The following NYAP2 variants were observed in gnomAD, a reference collection of about 807,000 sequenced individuals.
The protein encoded by NYAP2 is neuronal tyrosine-phosphorylated phosphoinositide-3-kinase adaptor 2, also known as neuronal tyrosine-phosphorylated phosphoinositide-3-kinase adapter 2.
NYAP2 carries 23 observed loss-of-function variants against 50.4 expected under a neutral mutation model. That is an observed-to-expected ratio of 0.46 (90% CI 0.33 to 0.65). NYAP2 has a LOEUF of 0.65. NYAP2 is among the 30% of genes least tolerant of loss of function. The pLI is 0.02. For synonymous variants in NYAP2, 394 were observed against 365.2 expected (o/e 1.08, Z -0.90); for missense variants, 885 against 861.0 (o/e 1.03, Z -0.35).
chr2:225,573,121 T>C (rs926834417), intron 4 of NYAP2, among the ~76,000 whole-genome samples: 3 of 152,140 alleles, frequency 2.0e-5, no homozygotes, highest in Non-Finnish European at 4.4e-5. Flanking sequence ...ATGAAAATGA[T>C]ATTATTTTTT....
At chr2:225,659,080 A>G in the NYAP2 span, among the ~76,000 whole-genome samples, 1 of 152,202 alleles carries the variant, frequency 6.6e-6, no homozygotes, top group Non-Finnish European at 1.5e-5. Flanking sequence ...GGAGGGTATA[A>G]TAAGCAAGAA....
intron 3 of NYAP2, among the ~76,000 whole-genome samples, chr2:225,411,273 A>C (rs1043332771): frequency 1.3e-5 from 2 of 152,148 alleles, no homozygotes; most frequent in Non-Finnish European, 2.9e-5. Flanking sequence ...GAGCAAGAGA[A>C]AAGAATTAAT....
chr2:225,406,209 G>T (rs539199502), intron 2 of NYAP2, among the ~76,000 whole-genome samples: 3 of 151,580 alleles, frequency 2.0e-5, no homozygotes, highest in Non-Finnish European at 4.4e-5. Context: ...AGGCCATTCT[G>T]CCAGCCTCCT....
At chr2:225,613,024 A>G (rs1056075285) in intron 5 of NYAP2, among the ~76,000 whole-genome samples, 1 of 152,188 alleles carries the variant, frequency 6.6e-6, no homozygotes, top group African/African-American at 2.4e-5. Context: ...CAGAACTAGT[A>G]GGATATTTGA....
chr2:225,659,725 C>T, the NYAP2 span, among the ~76,000 whole-genome samples: 1 of 152,130 alleles, frequency 6.6e-6, no homozygotes, highest in Non-Finnish European at 1.5e-5. Context: ...GAATATGTTG[C>T]TGAACCTTTC....
chr2:225,433,291 G>C (rs1425773567), intron 3 of NYAP2, among the ~76,000 whole-genome samples: 1 of 151,884 alleles, frequency 6.6e-6, no homozygotes, highest in Middle Eastern at 3.4e-3. Flanking sequence ...GTTCAAAGCT[G>C]CAATATGCCA....
At position 225,582,253 on chromosome 2, in the gene NYAP2, TG is replaced by T; in HGVS notation, c.839del (p.Gly280AlafsTer93). 1 of 1,614,014 alleles carries T rather than the reference TG, an allele frequency of 6.2e-7. No individual in the cohort carries two copies. Among genetic ancestry groups the T allele is most frequent in the Non-Finnish European group, 8.5e-7 (1 of 1,179,896 alleles). Reference sequence around the variant, plus strand: ...ATGAAGTACCCTATCTTTGACGACTTGGGCCAAGACGCCAAATGTGACTTCG... The same window carrying T: ...ATGAAGTACCCTATCTTTGACGACTTGGCCAAGACGCCAAATGTGACTTCG... On this transcript the variant is annotated frameshift_variant, in exon 5 of 7. Coordinates refer to ENST00000636099, the Ensembl canonical transcript of NYAP2. LOFTEE classifies it high-confidence loss of function. The surrounding 1 kb of genome is among the most constrained non-coding windows in gnomAD (Gnocchi z 7.0).
At chr2:225,401,857 G>A (rs924683837) in intron 2 of NYAP2, among the ~76,000 whole-genome samples, 6 of 151,666 alleles carry the variant, frequency 4.0e-5, no homozygotes, top group Middle Eastern at 3.4e-3. Context: ...AAATATAGCC[G>A]AAAAATAATG....
chr2:225,542,259 TTA>T (rs1691487651), intron 4 of NYAP2, among the ~76,000 whole-genome samples: 1 of 152,104 alleles, frequency 6.6e-6, no homozygotes, highest in African/African-American at 2.4e-5. Context: ...TGCCTTTTAT[TTA>T]GTTCTCTTGT....
chr2:225,409,204 G>A (rs1694991243), intron 3 of NYAP2, 103 bp downstream of exon 3: 2 of 830,382 alleles, frequency 2.4e-6, no homozygotes, highest in Admixed American at 2.5e-5. Context: ...GTCTTCCAGA[G>A]TCAGTTAGAC....
chr2:225,575,985 CTAATT>C (rs1171086559), intron 4 of NYAP2, among the ~76,000 whole-genome samples: 2 of 152,186 alleles, frequency 1.3e-5, no homozygotes, highest in Non-Finnish European at 2.9e-5. Context: ...GTTACAAACT[CTAATT>C]TTATTTTACA....
intron 3 of NYAP2, among the ~76,000 whole-genome samples, chr2:225,473,111 A>G (rs2106160252): frequency 6.6e-6 from 1 of 152,324 alleles, no homozygotes; most frequent in African/African-American, 2.4e-5. Flanking sequence ...TTCCAGCTTC[A>G]TCCATGTCCC....
chr2:225,608,011 TTCTC>T (rs1030593480), intron 5 of NYAP2, among the ~76,000 whole-genome samples: 2 of 152,134 alleles, frequency 1.3e-5, no homozygotes, highest in African/African-American at 4.8e-5. Flanking sequence ...TGTCTGGTAT[TTCTC>T]TCACTAAATC....
chr2:225,474,451 G>T (rs919727938), intron 3 of NYAP2, among the ~76,000 whole-genome samples: 4 of 152,180 alleles, frequency 2.6e-5, no homozygotes, highest in Non-Finnish European at 4.4e-5. Flanking sequence ...AGCATGGAAT[G>T]TTCTTCCATT....
intron 5 of NYAP2, among the ~76,000 whole-genome samples, chr2:225,594,854 C>A (rs1692569691): frequency 6.6e-6 from 1 of 152,142 alleles, no homozygotes. Flanking sequence ...CCACTCCTAG[C>A]AGAATAACCA....
At chr2:225,490,841 G>A (rs747456099) in intron 3 of NYAP2, among the ~76,000 whole-genome samples, 39 of 152,212 alleles carry the variant, frequency 2.6e-4, no homozygotes, top group Non-Finnish European at 4.9e-4. Flanking sequence ...GAATGCTGCT[G>A]AGTATTTGTG....
intron 4 of NYAP2, among the ~76,000 whole-genome samples, chr2:225,518,559 T>A (rs1690981073): frequency 7.4e-5 from 3 of 40,288 alleles, no homozygotes; most frequent in African/African-American, 1.5e-4. Flanking sequence ...TATATATATA[T>A]ATATATATAT....
chr2:225,575,302 G>A (rs975749666), intron 4 of NYAP2, among the ~76,000 whole-genome samples: 1 of 152,060 alleles, frequency 6.6e-6, no homozygotes, highest in Non-Finnish European at 1.5e-5. Flanking sequence ...TACCAAAACC[G>A]GTGTACAAGT....
intron 3 of NYAP2, among the ~76,000 whole-genome samples, chr2:225,451,816 C>T (rs1169646919): frequency 6.6e-6 from 1 of 152,162 alleles, no homozygotes; most frequent in Non-Finnish European, 1.5e-5. Context: ...ATTCATTCAA[C>T]AAACATTTCC....
Sources: allele counts gnomAD v4.1 joint callset (sites outside exome capture counted in the v4.1 genomes callset), GRCh38; gene constraint gnomAD v4.1.1; non-coding constraint Gnocchi (gnomAD v3.1); transcripts MANE v1.5; gene names NCBI Gene and HGNC (gene_info 2026-07-23, HGNC 2026-07-21).